Variants in RASSF3 observed in about 807,000 individuals in gnomAD.
RASSF3 encodes the protein Ras association domain family member 3.
Under a neutral mutation model 19.9 loss-of-function variants are expected in RASSF3, and 19 were observed. That is an observed-to-expected ratio of 0.96 (90% CI 0.67 to 1.40). RASSF3 has a LOEUF of 1.40. RASSF3 is among the 40% of genes most tolerant of loss of function. RASSF3 has a pLI of 0.00. For synonymous variants in RASSF3, 110 were observed against 104.2 expected, an observed-to-expected ratio of 1.06 and a Z score of -0.34; for missense variants, 306 against 289.8, an observed-to-expected ratio of 1.06 and a Z score of -0.41.
At chr12:64,541,689 T>C (rs1460800901) in exon 2 of RASSF3, 7 of 398,502 alleles carry the variant, frequency 1.8e-5, no homozygotes, top group African/African-American at 2.1e-5. Flanking sequence ...AGATATTCAA[T>C]CAAAAAGAAC....
intron 1 of RASSF3, among the ~76,000 whole-genome samples, chr12:64,537,251 G>T (rs1389445627): frequency 6.6e-6 from 1 of 152,108 alleles, no homozygotes; most frequent in Non-Finnish European, 1.5e-5. Context: ...CTGCCACTTT[G>T]TGTAAACTCC....
rs1428217630 is a variant in RASSF3, at chr12:64,686,710, C to T, written c.220-1506C>T. On this transcript the variant is annotated intron_variant, in intron 2 of 4. Transcript: ENST00000542104. ...GGCATGGTGGCGGGTGCCTGCAGTCCCAGCTACTCAGGAGGCTGAGGCAGG... is the reference window on the plus strand; with the variant it reads ...GGCATGGTGGCGGGTGCCTGCAGTCTCAGCTACTCAGGAGGCTGAGGCAGG... 3.3e-5 allele frequency among the ~76,000 whole-genome samples: 5 copies of T among 152,142 alleles called. No homozygotes were observed. In the East Asian group the frequency reaches 5.8e-4, roughly 18 times the overall value.
chr12:64,595,746 A>G (rs1013392143), intron 2 of RASSF3, among the ~76,000 whole-genome samples: 1 of 152,312 alleles, frequency 6.6e-6, no homozygotes, highest in East Asian at 1.9e-4. Flanking sequence ...TAGGGCTCAT[A>G]AAACAATACC....
chr12:64,670,532 TTC>T (rs927596617), intron 1 of RASSF3, among the ~76,000 whole-genome samples: 2 of 147,974 alleles, frequency 1.4e-5, no homozygotes, highest in African/African-American at 2.5e-5. Flanking sequence ...TGGATACGGT[TTC>T]TCTCTCTCTC....
At chr12:64,579,391 G>T (rs549607915) in intron 2 of RASSF3, among the ~76,000 whole-genome samples, 46 of 128,088 alleles carry the variant, frequency 3.6e-4, no homozygotes, top group African/African-American at 1.3e-3. Flanking sequence ...TCTGTCTGTC[G>T]CCCAGGCTGG....
intron 1 of RASSF3, among the ~76,000 whole-genome samples, chr12:64,680,910 C>T (rs1292716896): frequency 6.6e-6 from 1 of 152,136 alleles, no homozygotes; most frequent in Non-Finnish European, 1.5e-5. Context: ...CCGCGCCCAG[C>T]CAGTTTCCTT....
intron 1 of RASSF3, among the ~76,000 whole-genome samples, chr12:64,512,754 G>A (rs1196621342): frequency 6.6e-6 from 1 of 152,190 alleles, no homozygotes; most frequent in East Asian, 1.9e-4. Flanking sequence ...AAGGCAGACA[G>A]TCTAGCCCCT....
intron 1 of RASSF3, among the ~76,000 whole-genome samples, chr12:64,523,882 T>C (rs912049708): frequency 6.6e-6 from 1 of 151,848 alleles, no homozygotes; most frequent in East Asian, 1.9e-4. Flanking sequence ...AAGGGACAAA[T>C]GTTTTCAATA....
chr12:64,626,529 A>G lies in RASSF3; in HGVS notation c.111+15786A>G, dbSNP rs115060775. Reference sequence around the variant, plus strand: ...AAGAAAAAAAAAGAAAAAGATTAACAGTATTTCTAATGGTATTAGAATTGT... The same window carrying G: ...AAGAAAAAAAAAGAAAAAGATTAACGGTATTTCTAATGGTATTAGAATTGT... On this transcript the variant is annotated intron_variant, in intron 1 of 4. Coordinates refer to ENST00000542104, the MANE Select transcript of RASSF3 (RefSeq NM_178169.4). 4.1e-3 allele frequency among the ~76,000 whole-genome samples: 623 copies of G among 151,708 alleles called. 1 individual carries two copies. The highest frequency in any genetic ancestry group is 0.014 in the African/African-American group (589 of 41,424).
chr12:64,512,734 C>G (rs1042923026), intron 1 of RASSF3, among the ~76,000 whole-genome samples: 2 of 152,194 alleles, frequency 1.3e-5, no homozygotes, highest in Non-Finnish European at 2.9e-5. Context: ...AAATAACATT[C>G]TCTCTGCTTA....
chr12:64,546,227 C>T (rs1347161612), downstream of RASSF3, among the ~76,000 whole-genome samples: 1 of 151,414 alleles, frequency 6.6e-6, no homozygotes, highest in Non-Finnish European at 1.5e-5. Context: ...TTCCCAAATA[C>T]TTTTGCATAC....
intron 1 of RASSF3, among the ~76,000 whole-genome samples, chr12:64,664,116 C>T (rs968782884): frequency 6.6e-6 from 1 of 152,026 alleles, no homozygotes; most frequent in Non-Finnish European, 1.5e-5. Context: ...GAGAAGAGTT[C>T]CTGTGAAGCT....
At chr12:64,538,994 C>T (rs1017642717) in intron 1 of RASSF3, among the ~76,000 whole-genome samples, 8 of 152,120 alleles carry the variant, frequency 5.3e-5, no homozygotes, top group East Asian at 3.9e-4. Context: ...TGCAGTGAGC[C>T]GACATCATGC....
At chr12:64,672,555 G>GA (rs1872734345) in intron 1 of RASSF3, among the ~76,000 whole-genome samples, 2 of 152,122 alleles carry the variant, frequency 1.3e-5, no homozygotes, top group Non-Finnish European at 2.9e-5. Flanking sequence ...ATAGGATCTT[G>GA]CTCTGTTGCC....
chr12:64,584,179 C>T (rs1869751917), intron 2 of RASSF3, among the ~76,000 whole-genome samples: 1 of 152,228 alleles, frequency 6.6e-6, no homozygotes. Flanking sequence ...ATTAAAAAGA[C>T]CAGGCTTTGA....
intron 1 of RASSF3, among the ~76,000 whole-genome samples, chr12:64,667,553 A>C (rs1205006272): frequency 1.3e-5 from 2 of 152,212 alleles, no homozygotes; most frequent in African/African-American, 4.8e-5. Context: ...TTCTAAATGA[A>C]CAGAAGTTCT....
At chr12:64,641,414 A>ACACACACACACACGCGCACGCG in intron 1 of RASSF3, among the ~76,000 whole-genome samples, 1 of 142,100 alleles carries the variant, frequency 7.0e-6, no homozygotes, top group African/African-American at 2.8e-5. Context: ...ACACACACAC[A>ACACACACACACACGCGCACGCG]CGCGCGCGCG....
chr12:64,585,942 A>C (rs1413748990), intron 2 of RASSF3, among the ~76,000 whole-genome samples: 1 of 152,190 alleles, frequency 6.6e-6, no homozygotes, highest in Non-Finnish European at 1.5e-5. Context: ...GAGTCTCTAC[A>C]AAAACATTTA....
intron 2 of RASSF3, 90 bp downstream of exon 2, chr12:64,684,984 A>G: frequency 1.3e-6 from 1 of 772,244 alleles, no homozygotes. Flanking sequence ...AAATATCTGA[A>G]TAGCATTTGT....
Sources: allele counts gnomAD v4.1 joint callset (sites outside exome capture counted in the v4.1 genomes callset), GRCh38; gene constraint gnomAD v4.1.1; transcripts MANE v1.5; gene names NCBI Gene and HGNC (gene_info 2026-07-23, HGNC 2026-07-21).